LARGE1: variants seen among roughly 807,000 people sequenced by gnomAD.
LARGE1 encodes the protein LARGE xylosyl- and glucuronyltransferase 1.
Under a neutral mutation model 87.6 loss-of-function variants are expected in LARGE1, and 43 were observed. The observed-to-expected ratio is 0.49, with a 90% CI of 0.38 to 0.63. The LOEUF is 0.63. Ranked by LOEUF, LARGE1 falls within the 30% of genes least tolerant of loss-of-function variation. LARGE1 has a pLI of 0.00. For synonymous variants in LARGE1, 434 were observed against 394.6 expected (o/e 1.10, Z -1.18); for missense variants, 802 against 1,000.2 (o/e 0.80, Z 2.67).
chr22:33,542,557 TA>T (rs1186734365), intron 6 of LARGE1, among the ~76,000 whole-genome samples: 1 of 150,276 alleles, frequency 6.7e-6, no homozygotes, highest in Non-Finnish European at 1.5e-5. Context: ...ATTCAATAAC[TA>T]ATATTTTAGT....
intron 1 of LARGE1, among the ~76,000 whole-genome samples, chr22:33,823,773 C>G (rs975438060): frequency 1.3e-5 from 2 of 152,178 alleles, no homozygotes; most frequent in Non-Finnish European, 2.9e-5. Flanking sequence ...GCTCTTTCTG[C>G]TGCCCTTTGG....
chr22:33,123,079 G>A, the LARGE1 span, among the ~76,000 whole-genome samples: 13 of 152,210 alleles, frequency 8.5e-5, no homozygotes, highest in African/African-American at 2.2e-4. Context: ...TCTCCAAGGC[G>A]GGCTTGTAGG....
chr22:33,228,059 G>A (rs745802239), intron 11 of LARGE1, among the ~76,000 whole-genome samples: 1 of 152,198 alleles, frequency 6.6e-6, no homozygotes, highest in Non-Finnish European at 1.5e-5. Flanking sequence ...TAAGCATGAG[G>A]CTGTAGCATT....
chr22:33,829,939 C>A (rs2267300), intron 1 of LARGE1, among the ~76,000 whole-genome samples: 46,076 of 151,942 alleles, frequency 0.3, 7,188 homozygotes, highest in Admixed American at 0.42. Context: ...GGAGGCAGAC[C>A]AGGCCCCTGC....
At chr22:33,212,359 GAAC>G (rs1925005766) in intron 11 of LARGE1, among the ~76,000 whole-genome samples, 1 of 152,142 alleles carries the variant, frequency 6.6e-6, no homozygotes, top group South Asian at 2.1e-4. Flanking sequence ...TTTATAAATG[GAAC>G]AACAAGCCTG....
intron 11 of LARGE1, among the ~76,000 whole-genome samples, chr22:33,232,312 G>A (rs1926047537): frequency 6.6e-6 from 1 of 152,172 alleles, no homozygotes; most frequent in South Asian, 2.1e-4. Context: ...CTTTTTCTAC[G>A]CACAGCAGAT....
intron 1 of LARGE1, among the ~76,000 whole-genome samples, chr22:33,783,106 C>G (rs1162731779): frequency 6.6e-6 from 1 of 151,946 alleles, no homozygotes; most frequent in Non-Finnish European, 1.5e-5. Flanking sequence ...CCCTCAAGAT[C>G]ATATAAAGGG....
intron 1 of LARGE1, among the ~76,000 whole-genome samples, chr22:33,765,088 T>TATAG (rs1373966769): frequency 9.2e-5 from 14 of 152,358 alleles, no homozygotes; most frequent in African/African-American, 3.4e-4. Flanking sequence ...TTTTTTTGCA[T>TATAG]ATAGCTGCTT....
intron 6 of LARGE1, among the ~76,000 whole-genome samples, chr22:33,552,047 G>A (rs931438011): frequency 4.7e-5 from 7 of 149,398 alleles, no homozygotes; most frequent in African/African-American, 1.7e-4. Flanking sequence ...CATTAATCAC[G>A]GGTAATACTA....
At chr22:33,387,426 C>CA (rs758366490) in intron 7 of LARGE1, among the ~76,000 whole-genome samples, 7,691 of 67,118 alleles carry the variant, frequency 0.11, 497 homozygotes, top group African/African-American at 0.14. Context: ...GACTCTGTCT[C>CA]AAAAAAAAAA....
At chr22:33,913,669 G>A (rs888250412) in intron 1 of LARGE1, among the ~76,000 whole-genome samples, 4 of 151,930 alleles carry the variant, frequency 2.6e-5, no homozygotes, top group East Asian at 3.9e-4. Context: ...TCAGCCTCCC[G>A]AGTAGCTGGG....
At chr22:33,801,492 CTGTG>C (rs1464920540) in intron 1 of LARGE1, among the ~76,000 whole-genome samples, 1 of 152,140 alleles carries the variant, frequency 6.6e-6, no homozygotes, top group Non-Finnish European at 1.5e-5. Context: ...TATTTCCCAT[CTGTG>C]TATTTTCCTT....
intron 7 of LARGE1, among the ~76,000 whole-genome samples, chr22:33,399,468 T>C (rs2065866440): frequency 6.6e-6 from 1 of 152,238 alleles, no homozygotes; most frequent in African/African-American, 2.4e-5. Context: ...GTCTTTATAG[T>C]AGAATGATTT....
intron 9 of LARGE1, among the ~76,000 whole-genome samples, chr22:33,380,433 G>C (rs2065121270): frequency 1.3e-5 from 2 of 152,290 alleles, no homozygotes; most frequent in South Asian, 4.1e-4. Context: ...TTCCTGGAAA[G>C]GCAAGCTACA....
At position 33,530,924 on chromosome 22, in the gene LARGE1, G is replaced by C. The variant is rs569974072; in HGVS notation, c.787+33924C>G. On this transcript the variant is annotated intron_variant, in intron 6 of 14. Coordinates refer to ENST00000397394, the MANE Select transcript of LARGE1 (RefSeq NM_133642.5). ...ATTAAGTACCATAGAGTACACACCA[G>C]AGACTCAGGAATTGCAGAGCTTGAC... 1.5e-4 allele frequency among the ~76,000 whole-genome samples: 23 copies of C among 152,280 alleles called. No homozygotes were observed. The South Asian group carries it at 4.2e-3, about 28-fold the overall frequency.
At chr22:33,263,279 C>T (rs1412386924) in intron 11 of LARGE1, among the ~76,000 whole-genome samples, 3 of 152,212 alleles carry the variant, frequency 2.0e-5, no homozygotes, top group African/African-American at 7.2e-5. Flanking sequence ...CCAAGCCCTG[C>T]TGTATCTCCC....
At chr22:33,662,597 A>G (rs1296332583) in intron 2 of LARGE1, among the ~76,000 whole-genome samples, 1 of 152,186 alleles carries the variant, frequency 6.6e-6, no homozygotes, top group Non-Finnish European at 1.5e-5. Context: ...GACAGAAATG[A>G]TGGGGCTGGT....
chr22:33,905,666 G>C (rs894378076), intron 1 of LARGE1, among the ~76,000 whole-genome samples: 8 of 152,184 alleles, frequency 5.3e-5, no homozygotes, highest in African/African-American at 4.8e-5. Flanking sequence ...GTTTCAACAC[G>C]TAAAAGACAA....
intron 6 of LARGE1, among the ~76,000 whole-genome samples, chr22:33,451,639 A>G (rs113792671): frequency 0.012 from 1,802 of 151,244 alleles, 38 homozygotes; most frequent in African/African-American, 0.042. Context: ...GCTCACTGCA[A>G]CCTCTGCCTC....
Sources: gnomAD v4.1 joint callset for allele counts (sites outside exome capture counted in the v4.1 genomes callset) on GRCh38, gnomAD v4.1.1 for gene constraint, MANE v1.5 for transcripts, NCBI Gene and HGNC (gene_info 2026-07-23, HGNC 2026-07-21) for gene names.